Variants in NAV3 observed in about 807,000 individuals in gnomAD.
NAV3 encodes the protein neuron navigator 3, also known as pore membrane and/or filament interacting like protein 1.
Under a neutral mutation model 244.7 loss-of-function variants are expected in NAV3, and 87 were observed. The ratio of observed to expected loss-of-function variants is 0.36; its 90% confidence interval spans 0.30 to 0.42. The LOEUF (loss-of-function observed/expected upper bound fraction) is 0.42, where lower values mean the gene tolerates loss of function less well. Among genes scored for constraint, NAV3 ranks in the 20% least tolerant of loss-of-function variants. NAV3 has a pLI of 1.00. For missense variants in NAV3, 2,663 were observed against 2,893.3 expected, an observed-to-expected ratio of 0.92 and a Z score of 1.83; for synonymous variants, 1,126 against 1,042.2, an observed-to-expected ratio of 1.08 and a Z score of -1.55.
At chr12:77,938,447 T>G (rs1454973389) in intron 1 of NAV3, among the ~76,000 whole-genome samples, 1 of 152,126 alleles carries the variant, frequency 6.6e-6, no homozygotes, top group Non-Finnish European at 1.5e-5. Context: ...GGAGATGCAA[T>G]TTTGCTCTCA....
At chr12:77,690,868 G>T (rs1468973955) in intron 2 of NAV3, among the ~76,000 whole-genome samples, 1 of 61,262 alleles carries the variant, frequency 1.6e-5, no homozygotes, top group Non-Finnish European at 3.7e-5. Context: ...CTTATTCAGT[G>T]TTAACAATTT....
At chr12:77,757,388 AC>A (rs1467436743) in intron 2 of NAV3, among the ~76,000 whole-genome samples, 1 of 152,176 alleles carries the variant, frequency 6.6e-6, no homozygotes, top group Non-Finnish European at 1.5e-5. Flanking sequence ...TTACCACACT[AC>A]CTTCATATTG....
intron 2 of NAV3, among the ~76,000 whole-genome samples, chr12:77,747,611 T>C (rs1227644102): frequency 6.6e-6 from 1 of 152,152 alleles, no homozygotes. Flanking sequence ...CTATTCACAA[T>C]AGCAAAGACT....
intron 33 of NAV3, 58 bp downstream of exon 33, chr12:78,188,835 G>GC (rs918746921): frequency 9.0e-5 from 137 of 1,515,188 alleles, no homozygotes; most frequent in East Asian, 2.1e-4. Context: ...ATTTTATTCT[G>GC]CCCCCCGCCC....
Position 78,098,891 on chromosome 12 carries a change from C to A in NAV3, c.2637-17881C>A, listed in dbSNP as rs186245291. Among the ~76,000 whole-genome samples, 481 of 150,134 alleles carry A rather than the reference C, an allele frequency of 3.2e-3. 1 individual carries two copies. Among genetic ancestry groups the A allele is most frequent in the African/African-American group, 0.011 (458 of 41,174 alleles). On this transcript the variant is annotated intron_variant, in intron 12 of 39. Coordinates refer to ENST00000397909, the MANE Select transcript of NAV3 (RefSeq NM_001024383.2). ...TGAAAACTATTAATATAATTAGTAA[C>A]TATTTTTACATGTCAAAATTTTTGA...
At chr12:78,104,918 A>C (rs1261584122) in intron 12 of NAV3, among the ~76,000 whole-genome samples, 1 of 152,160 alleles carries the variant, frequency 6.6e-6, no homozygotes, top group Non-Finnish European at 1.5e-5. Context: ...TCAATGGCTC[A>C]ATCTTTTTAA....
intron 2 of NAV3, among the ~76,000 whole-genome samples, chr12:77,631,653 A>G (rs1871905258): frequency 1.3e-5 from 2 of 152,200 alleles, no homozygotes; most frequent in Non-Finnish European, 2.9e-5. Context: ...AATAATATTG[A>G]CATTGACATT....
chr12:77,916,009 T>C (rs1565918017), intron 1 of NAV3, among the ~76,000 whole-genome samples: 1 of 151,868 alleles, frequency 6.6e-6, no homozygotes, highest in East Asian at 1.9e-4. Flanking sequence ...ATGTAATGGG[T>C]TAGACAGTGA....
chr12:77,858,784 A>G (rs1442733989), intron 1 of NAV3, among the ~76,000 whole-genome samples: 1 of 152,110 alleles, frequency 6.6e-6, no homozygotes, highest in African/African-American at 2.4e-5. Context: ...ACAATATTTT[A>G]TATGTTATAT....
intron 2 of NAV3, among the ~76,000 whole-genome samples, chr12:77,589,905 C>T (rs1218584651): frequency 2.6e-5 from 4 of 152,228 alleles, no homozygotes. Flanking sequence ...TCAACTTGAT[C>T]AATTTGCTTA....
intron 2 of NAV3, among the ~76,000 whole-genome samples, chr12:77,582,998 G>A (rs935123181): frequency 2.6e-5 from 4 of 152,074 alleles, no homozygotes; most frequent in Non-Finnish European, 4.4e-5. Flanking sequence ...TGGCTCCTTC[G>A]TTTTTCCACT....
intron 22 of NAV3, among the ~76,000 whole-genome samples, chr12:78,152,432 T>C (rs1957112901): frequency 6.6e-6 from 1 of 151,718 alleles, no homozygotes; most frequent in African/African-American, 2.4e-5. Context: ...ATTTTTGTTC[T>C]TAAGGAAATA....
intron 20 of NAV3, among the ~76,000 whole-genome samples, chr12:78,143,624 CAGAAAA>C (rs1565715602): frequency 1.1e-5 from 1 of 92,650 alleles, no homozygotes; most frequent in South Asian, 4.0e-4. Context: ...AACACTGTCT[CAGAAAA>C]AAAAAAAAAA....
chr12:78,090,082 C>G (rs1298982356), intron 12 of NAV3, among the ~76,000 whole-genome samples: 1 of 151,762 alleles, frequency 6.6e-6, no homozygotes, highest in Admixed American at 6.6e-5. Flanking sequence ...ATCTATGTCT[C>G]TTATCTCCAG....
chr12:77,657,847 A>C (rs1301212898), intron 2 of NAV3, among the ~76,000 whole-genome samples: 1 of 152,206 alleles, frequency 6.6e-6, no homozygotes, highest in Non-Finnish European at 1.5e-5. Flanking sequence ...ACAGAACCAA[A>C]GACAAAAACC....
At chr12:78,086,936 G>T (rs1953667922) in intron 12 of NAV3, among the ~76,000 whole-genome samples, 1 of 151,892 alleles carries the variant, frequency 6.6e-6, no homozygotes, top group African/African-American at 2.4e-5. Flanking sequence ...TCCTATTTTT[G>T]AATTAACTGC....
intron 2 of NAV3, among the ~76,000 whole-genome samples, chr12:77,727,138 G>A (rs1239202458): frequency 6.6e-6 from 1 of 151,964 alleles, no homozygotes; most frequent in East Asian, 1.9e-4. Flanking sequence ...AGGAGCCACT[G>A]AAAGGTTGGT....
intron 33 of NAV3, 133 bp downstream of exon 33, chr12:78,188,910 A>G (rs868327409): frequency 7.1e-6 from 5 of 703,030 alleles, no homozygotes; most frequent in Middle Eastern, 3.3e-4. Flanking sequence ...AAAAATCAAT[A>G]TGACTCATTT....
At chr12:77,908,278 T>C (rs1430053629) in intron 1 of NAV3, among the ~76,000 whole-genome samples, 1 of 152,160 alleles carries the variant, frequency 6.6e-6, no homozygotes, top group African/African-American at 2.4e-5. Flanking sequence ...ATTGTAAATA[T>C]AATATGAAGC....
Sources: allele counts gnomAD v4.1 joint callset (sites outside exome capture counted in the v4.1 genomes callset), GRCh38; gene constraint gnomAD v4.1.1; transcripts MANE v1.5; gene names NCBI Gene and HGNC (gene_info 2026-07-23, HGNC 2026-07-21).